TMEM116: variants seen among roughly 807,000 people sequenced by gnomAD.
The protein encoded by TMEM116 is transmembrane protein 116.
In TMEM116, 38 loss-of-function variants were observed where a neutral mutation model predicts 44.3. The ratio of observed to expected loss-of-function variants is 0.86; its 90% CI spans 0.66 to 1.12. The LOEUF (loss-of-function observed/expected upper bound fraction) is 1.12. Among genes scored for constraint, TMEM116 ranks in the 50% most tolerant of loss-of-function variants. TMEM116 has a pLI of 0.00. For synonymous variants in TMEM116, 132 were observed against 144.8 expected (o/e 0.91, Z 0.64); for missense variants, 354 against 401.7 (o/e 0.88, Z 1.01).
intron 3 of TMEM116, chr12:112,000,808 T>C (rs1454881541): frequency 1.9e-6 from 1 of 522,326 alleles, no homozygotes; most frequent in Admixed American, 2.0e-5. Flanking sequence ...ATCACAGTTG[T>C]TACAGATTGA....
At chr12:111,992,867 A>G (rs1282955740) in intron 3 of TMEM116, 1 of 152,284 alleles carries the variant, frequency 6.6e-6, no homozygotes, top group Non-Finnish European at 1.5e-5. Flanking sequence ...TCTCAATGAA[A>G]TCTCAACCTA....
At chr12:111,957,702 G>GC (rs774871943) in intron 4 of TMEM116, among the ~76,000 whole-genome samples, 93 of 151,150 alleles carry the variant, frequency 6.2e-4, no homozygotes, top group Non-Finnish European at 1.2e-3. Context: ...AGGTGGGGGG[G>GC]CCCCTCTGCC....
chr12:111,995,696 C>T (rs976400276), intron 3 of TMEM116, among the ~76,000 whole-genome samples: 1 of 151,698 alleles, frequency 6.6e-6, no homozygotes, highest in African/African-American at 2.4e-5. Flanking sequence ...CGAGATCATG[C>T]CACTGCACTC....
At chr12:111,968,864 G>C (rs952094089) in intron 4 of TMEM116, among the ~76,000 whole-genome samples, 1 of 151,382 alleles carries the variant, frequency 6.6e-6, no homozygotes, top group Admixed American at 6.6e-5. Flanking sequence ...GTGGTGGCGG[G>C]CACCTGTAAT....
At chr12:111,960,082 T>C (rs2074464434) in intron 4 of TMEM116, among the ~76,000 whole-genome samples, 1 of 152,160 alleles carries the variant, frequency 6.6e-6, no homozygotes, top group Admixed American at 6.5e-5. Context: ...TATTCTAAAA[T>C]TGACCATATA....
intron 9 of TMEM116, among the ~76,000 whole-genome samples, chr12:111,933,521 C>T (rs564715796): frequency 6.8e-6 from 1 of 147,068 alleles, no homozygotes; most frequent in African/African-American, 2.5e-5. Flanking sequence ...TGGAGTCTCG[C>T]CCTGTCACCC....
intron 4 of TMEM116, among the ~76,000 whole-genome samples, chr12:111,946,401 TTAAC>T (rs2136292093): frequency 6.6e-6 from 1 of 152,340 alleles, no homozygotes; most frequent in South Asian, 2.1e-4. Context: ...AGATTATAGA[TTAAC>T]TAAAAGTATT....
At chr12:111,994,113 C>T (rs1019159652) in intron 3 of TMEM116, among the ~76,000 whole-genome samples, 4 of 152,088 alleles carry the variant, frequency 2.6e-5, no homozygotes, top group African/African-American at 7.2e-5. Context: ...TGTTGAAGAA[C>T]GTACAAAAGG....
At chr12:111,962,587 G>A (rs970733825) in intron 4 of TMEM116, among the ~76,000 whole-genome samples, 4 of 152,180 alleles carry the variant, frequency 2.6e-5, no homozygotes, top group Admixed American at 1.3e-4. Flanking sequence ...TTTAATAAAT[G>A]GCGTTGGAAA....
intron 2 of TMEM116, 73 bp from the exon 3 acceptor site, chr12:112,003,936 G>A: frequency 2.1e-6 from 3 of 1,409,428 alleles, no homozygotes; most frequent in South Asian, 1.6e-5. Context: ...ATTAATTTTG[G>A]GTTTTTTTTA....
chr12:111,979,271 TTATA>T (rs564082557), intron 4 of TMEM116, among the ~76,000 whole-genome samples: 1 of 150,872 alleles, frequency 6.6e-6, no homozygotes, highest in Admixed American at 6.6e-5. Flanking sequence ...TGTATACATA[TTATA>T]TATATATATA....
At chr12:111,949,137 A>C (rs1379205891) in intron 4 of TMEM116, among the ~76,000 whole-genome samples, 1 of 152,166 alleles carries the variant, frequency 6.6e-6, no homozygotes, top group South Asian at 2.1e-4. Context: ...CCAAAAAAGA[A>C]AGAAAACAAA....
At chr12:111,985,701 T>C (rs2076187757) in intron 4 of TMEM116, among the ~76,000 whole-genome samples, 1 of 151,980 alleles carries the variant, frequency 6.6e-6, no homozygotes, top group Non-Finnish European at 1.5e-5. Flanking sequence ...AATTCTCCCA[T>C]CCCAGCCTCC....
At chr12:111,985,439 C>T (rs957013554) in intron 4 of TMEM116, among the ~76,000 whole-genome samples, 2 of 152,082 alleles carry the variant, frequency 1.3e-5, no homozygotes, top group Non-Finnish European at 2.9e-5. Flanking sequence ...TTTACAATAT[C>T]ATTAAACACA....
chr12:111,988,813 A>C (rs1025262452), intron 4 of TMEM116, among the ~76,000 whole-genome samples: 2 of 151,792 alleles, frequency 1.3e-5, no homozygotes, highest in African/African-American at 4.8e-5. Flanking sequence ...AACATAGTGA[A>C]ACCCCGTCTC....
chr12:111,949,459 T>C (rs955424022), intron 4 of TMEM116, among the ~76,000 whole-genome samples: 4 of 152,334 alleles, frequency 2.6e-5, no homozygotes, highest in Middle Eastern at 3.4e-3. Flanking sequence ...TCTGCCTTCA[T>C]TTGGCTTCCT....
At chr12:111,957,754 C>T (rs2074258051) in intron 4 of TMEM116, among the ~76,000 whole-genome samples, 1 of 152,084 alleles carries the variant, frequency 6.6e-6, no homozygotes, top group Non-Finnish European at 1.5e-5. Flanking sequence ...TCTGCCCGGC[C>T]ACCACCCCGT....
At chr12:111,948,289 G>A (rs937435618) in intron 4 of TMEM116, among the ~76,000 whole-genome samples, 2 of 152,158 alleles carry the variant, frequency 1.3e-5, no homozygotes, top group African/African-American at 4.8e-5. Context: ...TCTGAGAAAC[G>A]TAGGAGTTCA....
intron 2 of TMEM116, among the ~76,000 whole-genome samples, chr12:112,004,875 C>T (rs954837540): frequency 6.6e-6 from 1 of 152,100 alleles, no homozygotes; most frequent in Non-Finnish European, 1.5e-5. Context: ...GTCTCAAACT[C>T]CTGAGCTCAA....
Sources: allele counts gnomAD v4.1 joint callset (sites outside exome capture counted in the v4.1 genomes callset), GRCh38; gene constraint gnomAD v4.1.1; transcripts MANE v1.5; gene names NCBI Gene and HGNC (gene_info 2026-07-23, HGNC 2026-07-21).